The following SRR variants were observed in gnomAD, a reference collection of about 807,000 sequenced individuals.
SRR encodes the protein serine racemase.
SRR carries 19 observed loss-of-function variants against 32.7 expected under a neutral mutation model. The observed-to-expected ratio is 0.58, with a 90% confidence interval of 0.40 to 0.85. SRR has a LOEUF of 0.85. SRR is among the 40% of genes least tolerant of loss of function. The pLI, the probability that SRR is intolerant of heterozygous loss-of-function variation, is 0.00. For missense variants in SRR, 373 were observed against 404.7 expected (o/e 0.92, Z 0.67); for synonymous variants, 142 against 140.9 (o/e 1.01, Z -0.06).
intron 2 of SRR, 80 bp from the exon 3 acceptor site, chr17:2,317,790 A>G: frequency 2.7e-6 from 4 of 1,469,706 alleles, no homozygotes; most frequent in Non-Finnish European, 3.7e-6. Flanking sequence ...CATGTTAAGG[A>G]TAGAAAATCT....
chr17:2,318,512 T>C (rs1243553640), intron 3 of SRR, among the ~76,000 whole-genome samples: 2 of 148,496 alleles, frequency 1.3e-5, no homozygotes, highest in African/African-American at 5.0e-5. Context: ...TCGCCCAGGC[T>C]GGAATGCAGT....
In SRR at chr17:2,314,306, G is replaced by A. The variant is rs1399177219; in HGVS notation, c.-4-1251G>A. On this transcript the variant is annotated intron_variant, in intron 1 of 7. Transcript: ENST00000344595. ...CTCTATTAAAAATACAAAATTGGCC[G>A]GGTTTGGTGGCTCACGCCTGTAATC... 6.6e-5 allele frequency among the ~76,000 whole-genome samples: 10 copies of A among 152,040 alleles called. No individual in the cohort carries two copies. The East Asian group carries it at 9.6e-4, about 15-fold the overall frequency.
At chr17:2,315,259 A>G (rs77465695) in intron 1 of SRR, 2 of 186,382 alleles carry the variant, frequency 1.1e-5, no homozygotes, top group Non-Finnish European at 2.2e-5. Context: ...AAAAAAAAAA[A>G]GGAAGATGGA....
At chr17:2,306,937 G>A in intron 1 of SRR, 1 of 1,098,314 alleles carries the variant, frequency 9.1e-7, no homozygotes, top group Non-Finnish European at 1.4e-6. Flanking sequence ...CTTTGGATTT[G>A]CCACATATGC....
At position 2,325,251 on chromosome 17, in the gene SRR, T is replaced by A; in HGVS notation, c.*1378T>A. 7.8e-7 allele frequency: 1 copy of A among 1,277,764 alleles called. No individual in the cohort carries two copies. Among genetic ancestry groups the A allele is most frequent in the East Asian group, 2.4e-5 (1 of 42,298 alleles). 79.2% of individuals were successfully genotyped at this position (1,277,764 alleles called of 1,614,324 possible). On this transcript the variant is annotated 3_prime_UTR_variant, in exon 8 of 8. Transcript: ENST00000344595. ...AATTTAAATAAACAAGAGAAAACGG[T>A]GTTCATCTATTAAGGACCTGCAGGG...
Position 2,312,503 on chromosome 17 carries a change from G to A in SRR, c.-4-3054G>A, listed in dbSNP as rs944992406. On this transcript the variant is annotated intron_variant, in intron 1 of 7. Coordinates refer to ENST00000344595, the MANE Select transcript of SRR (RefSeq NM_021947.3). ...CCAGCTACTCGGGAGGCTGAGGCAG[G>A]AGAATCACTTGAACCTGGGAGGTGG... Among the ~76,000 whole-genome samples the A allele has an allele frequency of 2.0e-5, 3 of 152,184 alleles. 1 individual carries two copies. Among genetic ancestry groups the A allele is most frequent in the South Asian group, 4.1e-4 (2 of 4,834 alleles).
At position 2,324,075 on chromosome 17, in the gene SRR, G is replaced by C; in HGVS notation, c.*202G>C. The C allele has an allele frequency of 7.3e-7, 1 of 1,376,754 alleles. No homozygotes were observed. 85.3% of individuals were successfully genotyped at this position (1,376,754 alleles called of 1,614,324 possible). Reference sequence around the variant, plus strand: ...TTTGTCAAGGCTAAAAAAAAGTCTTGCAAAATGGGGCAGTGGACTGACAGG... The same window carrying C: ...TTTGTCAAGGCTAAAAAAAAGTCTTCCAAAATGGGGCAGTGGACTGACAGG... On this transcript the variant is annotated 3_prime_UTR_variant, in exon 8 of 8. Coordinates refer to ENST00000344595, the MANE Select transcript of SRR (RefSeq NM_021947.3).
intron 1 of SRR, among the ~76,000 whole-genome samples, chr17:2,309,156 T>C (rs549052479): frequency 7.2e-5 from 11 of 152,170 alleles, no homozygotes; most frequent in African/African-American, 2.7e-4. Flanking sequence ...AGAGGCAGGG[T>C]TTCCCTGTGT....
chr17:2,313,982 G>T (rs1024943109), intron 1 of SRR, among the ~76,000 whole-genome samples: 6 of 152,130 alleles, frequency 3.9e-5, no homozygotes, highest in Non-Finnish European at 5.9e-5. Context: ...AATGAATATA[G>T]ATTCTTTTGT....
At chr17:2,315,785 G>T in intron 2 of SRR, 57 bp downstream of exon 2, 2 of 1,526,028 alleles carry the variant, frequency 1.3e-6, no homozygotes, top group Non-Finnish European at 9.0e-7. Flanking sequence ...TCACATATCA[G>T]TTTGATTCTC....
Position 2,321,416 on chromosome 17 carries a change from G to C in SRR, c.510G>C (p.Val170=), listed in dbSNP as rs1187749274. 1 of 1,612,238 alleles carries C rather than the reference G, an allele frequency of 6.2e-7. No homozygotes were observed. The highest frequency in any genetic ancestry group is 1.7e-5 in the Admixed American group (1 of 59,690). ...IAGQGTIALE[V]LNQVPLVDAL... ...GACAAGGGACAATTGCCCTGGAAGTGCTGAACCAGGTAAAATAGCTGAGTT... is the reference window on the plus strand; with the variant it reads ...GACAAGGGACAATTGCCCTGGAAGTCCTGAACCAGGTAAAATAGCTGAGTT... The change falls in exon 5 of 8, where the codon GTG becomes GTC. Residue 170 remains valine (V), a synonymous_variant. Transcript: ENST00000344595.
chr17:2,318,027 C>A lies in SRR; in HGVS notation c.295+31C>A, dbSNP rs764139013. Reference sequence around the variant, plus strand: ...TGATTTCTCAAGGTACTGGGTAGATCTTCAGAAAGGAGTGGAAAAGTGCCC... The same window carrying A: ...TGATTTCTCAAGGTACTGGGTAGATATTCAGAAAGGAGTGGAAAAGTGCCC... On this transcript the variant is annotated intron_variant, in intron 3 of 7. Transcript: ENST00000344595. The A allele has an allele frequency of 1.8e-5, 28 of 1,567,268 alleles. No individual in the cohort carries two copies. In the East Asian group the frequency reaches 6.2e-4, roughly 35 times the overall value.
rs2075565055 is a variant in SRR at position 2,324,785 on chromosome 17, G to C, written c.*912G>C. 6.2e-7 allele frequency: 1 copy of C among 1,614,068 alleles called. No individual in the cohort carries two copies. The highest frequency in any genetic ancestry group is 1.1e-5 in the South Asian group (1 of 91,060). ...ACTCTCTTGATGACCATTCTGTCTG[G>C]ATCTACTGACATAAGATGGCCTGTA... is the stretch of plus-strand genomic sequence containing the variant. On this transcript the variant is annotated 3_prime_UTR_variant, in exon 8 of 8. Coordinates refer to ENST00000344595, the MANE Select transcript of SRR (RefSeq NM_021947.3).
In SRR at chr17:2,324,893, A is replaced by T; in HGVS notation, c.*1020A>T. 3 of 1,540,140 alleles carry T rather than the reference A, an allele frequency of 1.9e-6. No homozygotes were observed. The highest frequency in any genetic ancestry group is 2.6e-6 in the Non-Finnish European group (3 of 1,150,360). ...AGGCCAAAGTCTTCATTTATTGCCC[A>T]GTCCATTTAAAGACCCATGCAAGAG... On this transcript the variant is annotated 3_prime_UTR_variant, in exon 8 of 8. Transcript: ENST00000344595.
At chr17:2,317,719 A>AT in intron 2 of SRR, 151 bp from the exon 3 acceptor site, 1 of 787,188 alleles carries the variant, frequency 1.3e-6, no homozygotes. Flanking sequence ...AATAAAAAAT[A>AT]AAGATGCACA....
Position 2,324,662 on chromosome 17 carries a change from G to C in SRR, c.*789G>C. 6.2e-7 allele frequency: 1 copy of C among 1,613,952 alleles called. No homozygotes were observed. The stretch of plus-strand genomic sequence containing the variant: ...AACCTTTATACCACAAAGGCAATCA[G>C]ATCCCATCCTCCTCCTTCATACCCA... On this transcript the variant is annotated 3_prime_UTR_variant, in exon 8 of 8. Transcript: ENST00000344595.
chr17:2,318,899 G>A lies in SRR; in HGVS notation c.369G>A (p.Ala123=), dbSNP rs199981539. The A allele has an allele frequency of 1.0e-4, 161 of 1,613,478 alleles. 1 individual carries two copies. Among genetic ancestry groups the A allele is most frequent in the Non-Finnish European group, 1.2e-4 (147 of 1,179,552 alleles). The change falls in exon 4 of 8, where the codon GCG becomes GCA. Residue 123 remains alanine (A), a synonymous_variant. Coordinates refer to ENST00000344595, the MANE Select transcript of SRR (RefSeq NM_021947.3). ...CKKLAIQAYG[A]SIVYCEPSDE... ...AACTTGCAATACAAGCCTACGGAGC[G>A]TCAATTGTATACTGTGAACCTAGTG...
chr17:2,324,278 G>A lies in SRR; in HGVS notation c.*405G>A, dbSNP rs141644586. On this transcript the variant is annotated 3_prime_UTR_variant, in exon 8 of 8. Coordinates refer to ENST00000344595, the MANE Select transcript of SRR (RefSeq NM_021947.3). ...TGGTTCTGGTACATATGGATCATAA[G>A]TCCATTTGGGGAAGACTCGTTTATA... 2,677 of 1,555,294 alleles carry A rather than the reference G, an allele frequency of 1.7e-3. 10 individuals carry two copies. The highest frequency in any genetic ancestry group is 5.5e-3 in the South Asian group (441 of 79,900).
Position 2,321,334 on chromosome 17 carries a change from C to T in SRR, c.428C>T (p.Thr143Ile), listed in dbSNP as rs2075526676. The T allele has an allele frequency of 6.2e-7, 1 of 1,613,264 alleles. No individual in the cohort carries two copies. Among genetic ancestry groups the T allele is most frequent in the Non-Finnish European group, 8.5e-7 (1 of 1,179,860 alleles). The change falls in exon 5 of 8, where the codon ACA (threonine) becomes ATA (isoleucine). Residue 143 changes from threonine (T) to isoleucine (I), a missense_variant. Transcript: ENST00000344595. ...AGAGAAAATGTTGCAAAAAGAGTTA[C>T]AGAAGAAACAGAAGGCATCATGGTA... ...ESRENVAKRV[T>I]EETEGIMVHP...
Sources: allele counts gnomAD v4.1 joint callset (sites outside exome capture counted in the v4.1 genomes callset), GRCh38; gene constraint gnomAD v4.1.1; transcripts MANE v1.5; gene names NCBI Gene and HGNC (gene_info 2026-07-23, HGNC 2026-07-21).